Variants in TM9SF2 observed in about 807,000 individuals in gnomAD.
TM9SF2 encodes 76 kDa membrane protein.
Under a neutral mutation model 84.9 loss-of-function variants are expected in TM9SF2, and 13 were observed. The ratio of observed to expected loss-of-function variants is 0.15; its 90% CI spans 0.10 to 0.24. The LOEUF (loss-of-function observed/expected upper bound fraction) is 0.24, where lower values mean the gene tolerates loss of function less well. Ranked by LOEUF, TM9SF2 falls within the 10% of genes least tolerant of loss-of-function variation. The pLI, the probability that TM9SF2 is intolerant of heterozygous loss-of-function variation, is 1.00. For synonymous variants in TM9SF2, 273 were observed against 285.8 expected (o/e 0.96, Z 0.45); for missense variants, 562 against 818.5 (o/e 0.69, Z 3.82).
chr13:99,554,275 T>C (rs9517768), intron 13 of TM9SF2, 29 bp from the exon 14 acceptor site: 65,195 of 1,599,438 alleles, frequency 0.041, 1,570 homozygotes, highest in Middle Eastern at 0.13. Context: ...TACGTAATTA[T>C]GAATTCTTCC....
intron 3 of TM9SF2, among the ~76,000 whole-genome samples, chr13:99,523,646 C>T (rs1468236170): frequency 1.3e-5 from 2 of 152,218 alleles, no homozygotes; most frequent in South Asian, 4.1e-4. Flanking sequence ...TCTAAGCACT[C>T]ATATTCATTC....
rs772046731 is a variant in TM9SF2 at position 99,539,492 on chromosome 13, A to G, written c.763A>G (p.Met255Val). The change falls in exon 7 of 17, where the codon ATG (methionine) becomes GTG (valine). Residue 255 changes from methionine to valine, a missense_variant. Around this residue, in one of 4 missense-constraint regions of TM9SF2, gnomAD observed 267 missense variants for 316.7 expected, o/e 0.84. Coordinates refer to ENST00000376387, the MANE Select transcript of TM9SF2 (RefSeq NM_004800.3). ...TAAACCAGACTGCTCAGGGCCCCCC[A>G]TGGACATAAGTAACAAGGCTTCTGG... ...IDKPDCSGPP[M>V]DISNKASGEI... 1 of 1,613,966 alleles carries G rather than the reference A, an allele frequency of 6.2e-7. No individual in the cohort carries two copies. The highest frequency in any genetic ancestry group is 8.5e-7 in the Non-Finnish European group (1 of 1,179,868).
At chr13:99,525,333 C>T (rs977160997) in intron 3 of TM9SF2, among the ~76,000 whole-genome samples, 6 of 152,096 alleles carry the variant, frequency 3.9e-5, no homozygotes, top group South Asian at 2.1e-4. Context: ...CCTCCACCTC[C>T]GAGGCTCCAG....
At chr13:99,527,336 C>T (rs912140610) in intron 3 of TM9SF2, among the ~76,000 whole-genome samples, 1 of 152,170 alleles carries the variant, frequency 6.6e-6, no homozygotes, top group African/African-American at 2.4e-5. Context: ...CTCACAGTTC[C>T]ATATGGCTGG....
rs1311954976 is a variant in TM9SF2, at chr13:99,508,443, A to ACACACACACC, written c.171+6667_171+6668insACACACACCC. ...CACACACACACACACACACACACAC[A>ACACACACACC]CCCCAGAGATTCAGTAGCTACTCCA... On this transcript the variant is annotated intron_variant, in intron 1 of 16. Transcript: ENST00000376387. 2.3e-3 allele frequency among the ~76,000 whole-genome samples: 337 copies of ACACACACACC among 147,524 alleles called. 2 individuals are homozygous for ACACACACACC. The highest frequency in any genetic ancestry group is 7.5e-3 in the Admixed American group (109 of 14,560).
intron 1 of TM9SF2, among the ~76,000 whole-genome samples, chr13:99,512,499 T>C (rs1347650332): frequency 6.6e-6 from 1 of 152,048 alleles, no homozygotes; most frequent in Admixed American, 6.5e-5. Flanking sequence ...CAAACGTAGA[T>C]GGATAAAAAC....
At chr13:99,503,887 G>T (rs2046078031) in intron 1 of TM9SF2, among the ~76,000 whole-genome samples, 1 of 152,066 alleles carries the variant, frequency 6.6e-6, no homozygotes, top group South Asian at 2.1e-4. Context: ...AGTCATTTTG[G>T]ATGTTTAATT....
At chr13:99,555,032 T>C (rs368639608) in intron 14 of TM9SF2, among the ~76,000 whole-genome samples, 14 of 152,234 alleles carry the variant, frequency 9.2e-5, no homozygotes, top group African/African-American at 3.4e-4. Flanking sequence ...TATAGTGTTA[T>C]ATCATGATTG....
intron 3 of TM9SF2, among the ~76,000 whole-genome samples, chr13:99,522,828 CATTTCT>C (rs1175526699): frequency 4.6e-5 from 7 of 152,306 alleles, no homozygotes; most frequent in Admixed American, 2.0e-4. Flanking sequence ...TCATTGGGCA[CATTTCT>C]GTTTCTGTGC....
At chr13:99,506,481 A>G (rs566035782) in intron 1 of TM9SF2, among the ~76,000 whole-genome samples, 15 of 152,364 alleles carry the variant, frequency 9.8e-5, no homozygotes, top group African/African-American at 3.6e-4. Flanking sequence ...GTAAATATAC[A>G]TTCCAGCAAT....
At chr13:99,562,100 C>T (rs2046347110) in intron 16 of TM9SF2, among the ~76,000 whole-genome samples, 1 of 152,092 alleles carries the variant, frequency 6.6e-6, no homozygotes, top group Non-Finnish European at 1.5e-5. Flanking sequence ...GTGGACTTGC[C>T]CAAGGATGAC....
intron 3 of TM9SF2, among the ~76,000 whole-genome samples, chr13:99,527,670 GTGCAGCCTTATA>G (rs1473970390): frequency 1.3e-5 from 2 of 152,206 alleles, no homozygotes; most frequent in African/African-American, 2.4e-5. Flanking sequence ...TGCCAGAAGT[GTGCAGCCTTATA>G]TGATTTCCCT....
At chr13:99,549,990 A>G (rs2046299024) in intron 12 of TM9SF2, among the ~76,000 whole-genome samples, 2 of 152,134 alleles carry the variant, frequency 1.3e-5, no homozygotes, top group Admixed American at 6.5e-5. Context: ...GTTCTATTCA[A>G]ATTTCTATGC....
intron 3 of TM9SF2, among the ~76,000 whole-genome samples, chr13:99,521,191 G>A (rs530953217): frequency 9.2e-5 from 14 of 152,222 alleles, no homozygotes; most frequent in African/African-American, 2.6e-4. Flanking sequence ...TAATAAATGT[G>A]CAGTTCCACT....
At chr13:99,507,234 G>C (rs552404204) in intron 1 of TM9SF2, among the ~76,000 whole-genome samples, 2 of 152,304 alleles carry the variant, frequency 1.3e-5, no homozygotes, top group Non-Finnish European at 2.9e-5. Flanking sequence ...AAAAGCCTAG[G>C]CTCTTCGCCA....
chr13:99,534,480 A>C (rs150753543), intron 4 of TM9SF2, among the ~76,000 whole-genome samples: 1 of 152,200 alleles, frequency 6.6e-6, no homozygotes, highest in Non-Finnish European at 1.5e-5. Flanking sequence ...TGCAACTGCA[A>C]AAAAAAGAAA....
At chr13:99,529,023 A>G (rs534493787) in intron 3 of TM9SF2, among the ~76,000 whole-genome samples, 1 of 151,896 alleles carries the variant, frequency 6.6e-6, no homozygotes, top group African/African-American at 2.4e-5. Flanking sequence ...CTGAATCTCT[A>G]TCACCTGACA....
At chr13:99,505,881 G>T (rs988791401) in intron 1 of TM9SF2, among the ~76,000 whole-genome samples, 26 of 152,156 alleles carry the variant, frequency 1.7e-4, no homozygotes, top group African/African-American at 6.0e-4. Flanking sequence ...TCAGAACTAA[G>T]AACTAAAAAT....
At chr13:99,527,653 GAA>G (rs1413663628) in intron 3 of TM9SF2, among the ~76,000 whole-genome samples, 2 of 152,214 alleles carry the variant, frequency 1.3e-5, no homozygotes, top group Non-Finnish European at 2.9e-5. Flanking sequence ...GCATGGAGGA[GAA>G]GTCTTGCCAG....
Sources: gnomAD v4.1 joint callset for allele counts (sites outside exome capture counted in the v4.1 genomes callset) on GRCh38, gnomAD v4.1.1 for gene constraint, gnomAD v4.1.1 regional missense constraint, MANE v1.5 for transcripts, NCBI Gene and HGNC (gene_info 2026-07-23, HGNC 2026-07-21) for gene names.